The following RYR3 variants were observed in gnomAD, a reference collection of about 807,000 sequenced individuals.
RYR3 encodes ryanodine receptor 3, also known as brain ryanodine receptor-calcium release channel.
Under a neutral mutation model 584.3 loss-of-function variants are expected in RYR3, and 207 were observed. The observed-to-expected ratio is 0.35, with a 90% CI of 0.32 to 0.40. The LOEUF (loss-of-function observed/expected upper bound fraction) is 0.40. Among genes scored for constraint, RYR3 ranks in the 10% least tolerant of loss-of-function variants. RYR3 has a pLI of 1.00. For synonymous variants in RYR3, 2,416 were observed against 2,248.5 expected (o/e 1.07, Z -2.11); for missense variants, 5,616 against 6,089.2 (o/e 0.92, Z 2.59).
chr15:33,788,807 C>T (rs930941924), intron 67 of RYR3, among the ~76,000 whole-genome samples: 1 of 152,188 alleles, frequency 6.6e-6, no homozygotes, highest in Non-Finnish European at 1.5e-5. Flanking sequence ...GTGTGTTAAG[C>T]GCTCTTCTAG....
intron 3 of RYR3, among the ~76,000 whole-genome samples, chr15:33,521,604 C>T (rs1238395509): frequency 6.6e-6 from 1 of 152,068 alleles, no homozygotes; most frequent in Non-Finnish European, 1.5e-5. Context: ...CAAAGGAGTG[C>T]CTTTCTGTGC....
At chr15:33,711,616 G>T (rs896542451) in intron 43 of RYR3, among the ~76,000 whole-genome samples, 10 of 152,180 alleles carry the variant, frequency 6.6e-5, no homozygotes, top group Non-Finnish European at 1.2e-4. Flanking sequence ...TCACTCTCAA[G>T]TTCAAACTTC....
intron 18 of RYR3, among the ~76,000 whole-genome samples, chr15:33,604,639 A>T (rs1595796762): frequency 6.6e-6 from 1 of 152,188 alleles, no homozygotes; most frequent in East Asian, 1.9e-4. Flanking sequence ...TGGCAGGATG[A>T]TGGGGTCATG....
chr15:33,788,120 G>A lies in RYR3; in HGVS notation c.9590-98G>A, dbSNP rs554448951. 2.5e-5 allele frequency: 36 copies of A among 1,469,212 alleles called. No homozygotes were observed. The South Asian group carries it at 4.3e-4, about 18-fold the overall frequency. 91.0% of individuals were successfully genotyped at this position (1,469,212 alleles called of 1,614,324 possible). On this transcript the variant is annotated intron_variant, in intron 66 of 103. Transcript: ENST00000634891. ...GAACAAGGGGCAGGTGCCATCCTGA[G>A]TCGATGGGATTCCACGGCCTCACCT...
At position 33,698,015 on chromosome 15, in the gene RYR3, C is replaced by T; in HGVS notation, c.6249+19C>T. 1.9e-6 allele frequency: 3 copies of T among 1,548,708 alleles called. No individual in the cohort carries two copies. Among genetic ancestry groups the T allele is most frequent in the Non-Finnish European group, 2.7e-6 (3 of 1,120,506 alleles). On this transcript the variant is annotated intron_variant, in intron 40 of 103. Transcript: ENST00000634891. ...ATCTCAGGTAATGCTAAAAGGAGAA[C>T]CTAGCCAGAACTTGTCCCTTGAGGC...
At chr15:33,590,994 T>C (rs1013219047) in intron 16 of RYR3, among the ~76,000 whole-genome samples, 3 of 152,188 alleles carry the variant, frequency 2.0e-5, no homozygotes, top group African/African-American at 4.8e-5. Flanking sequence ...CAAAAAGTTA[T>C]AGGGGAAGAA....
At chr15:33,455,161 G>A (rs2047445162) in intron 1 of RYR3, among the ~76,000 whole-genome samples, 1 of 152,122 alleles carries the variant, frequency 6.6e-6, no homozygotes, top group Admixed American at 6.5e-5. Context: ...GTCTCTCCAT[G>A]GGTGTGTGGG....
intron 70 of RYR3, among the ~76,000 whole-genome samples, chr15:33,808,038 A>G (rs1316756352): frequency 6.6e-6 from 1 of 152,138 alleles, no homozygotes; most frequent in African/African-American, 2.4e-5. Flanking sequence ...CCCTGGGAGA[A>G]TTTCCCAGTT....
At chr15:33,779,428 A>C (rs2074243604) in intron 64 of RYR3, among the ~76,000 whole-genome samples, 1 of 152,154 alleles carries the variant, frequency 6.6e-6, no homozygotes. Context: ...TCTCCTGTAA[A>C]TCAAGCAGTA....
chr15:33,553,454 T>G (rs537094041), intron 10 of RYR3, among the ~76,000 whole-genome samples: 1 of 152,276 alleles, frequency 6.6e-6, no homozygotes, highest in South Asian at 2.1e-4. Flanking sequence ...GCATCTTGTA[T>G]GTGCATAAGA....
intron 44 of RYR3, 134 bp from the exon 45 acceptor site, chr15:33,723,930 GA>G: frequency 1.7e-6 from 1 of 600,648 alleles, no homozygotes; most frequent in Non-Finnish European, 3.0e-6. Context: ...ACTTCTAGAG[GA>G]AGACGAGGTT....
At chr15:33,419,074 C>A (rs896900419) in intron 1 of RYR3, among the ~76,000 whole-genome samples, 1 of 151,978 alleles carries the variant, frequency 6.6e-6, no homozygotes, top group Admixed American at 6.6e-5. Flanking sequence ...TGCATTTAAG[C>A]CTTTGGGCTG....
chr15:33,859,242 CTCTTAAAATTAAATGAGGAAAAAT>C, intron 99 of RYR3: 1 of 249,230 alleles, frequency 4.0e-6, no homozygotes, highest in East Asian at 8.1e-5. Flanking sequence ...CAGGCTAACA[CTCTTAAAATTAAATGAGGAAAAAT>C]TATTATATGG....
Position 33,838,435 on chromosome 15 carries a change from A to G in RYR3, c.12455A>G (p.Asn4152Ser). The G allele has an allele frequency of 6.2e-7, 1 of 1,614,030 alleles. No homozygotes were observed. Among genetic ancestry groups the G allele is most frequent in the Non-Finnish European group, 8.5e-7 (1 of 1,179,898 alleles). ...FAMACASVKR[N>S]VTDFLKRATL... The stretch of plus-strand genomic sequence containing the variant: ...ATGGCCTGTGCCTCTGTGAAGAGGA[A>G]TGTCACCGACTTCCTGAAGAGAGCA... Residue 4152 changes from asparagine to serine, a missense_variant, in exon 89 of 104, where the codon AAT (asparagine) becomes AGT (serine). By Grantham distance (46) the Asn-to-Ser change is conservative. Transcript: ENST00000634891.
intron 32 of RYR3, among the ~76,000 whole-genome samples, chr15:33,657,092 T>A (rs1008571838): frequency 6.6e-6 from 1 of 152,192 alleles, no homozygotes; most frequent in Non-Finnish European, 1.5e-5. Context: ...TACACCCTCA[T>A]GAGCCCACAC....
At position 33,816,944 on chromosome 15, in the gene RYR3, G is replaced by A. The variant is rs186218390; in HGVS notation, c.10585G>A (p.Val3529Ile). 30 of 1,606,798 alleles carry A rather than the reference G, an allele frequency of 1.9e-5. No homozygotes were observed. Among genetic ancestry groups the A allele is most frequent in the Admixed American group, 5.0e-5 (3 of 59,632 alleles). Residue 3529 changes from valine to isoleucine, a missense_variant, in exon 75 of 104, where the codon GTA becomes ATA. Physicochemically the swap from Val to Ile is conservative, Grantham distance 29. This residue lies in a region of RYR3 where 954 missense variants were observed against 1,132.2 expected (regional missense o/e 0.84). Coordinates refer to ENST00000634891, the MANE Select transcript of RYR3 (RefSeq NM_001036.6). ...TEEYSFEEKL[V>I]QDLAKSPKVE... ...GGAGTATTCCTTTGAAGAGAAACTA[G>A]TACAGGATTTGGCTGTAAGTACTGA...
At chr15:33,423,374 A>G (rs1048986482) in intron 1 of RYR3, among the ~76,000 whole-genome samples, 2 of 152,198 alleles carry the variant, frequency 1.3e-5, no homozygotes, top group Non-Finnish European at 2.9e-5. Context: ...AATTGTATGT[A>G]TAGACTGTAT....
At chr15:33,794,497 C>T (rs920902556) in intron 67 of RYR3, among the ~76,000 whole-genome samples, 3 of 150,884 alleles carry the variant, frequency 2.0e-5, no homozygotes, top group Non-Finnish European at 3.0e-5. Flanking sequence ...AGAAGGAAAT[C>T]GCCAGAGTTT....
chr15:33,860,688 C>T, intron 101 of RYR3, 29 bp downstream of exon 101: 1 of 1,473,258 alleles, frequency 6.8e-7, no homozygotes, highest in Non-Finnish European at 9.3e-7. Context: ...CTAATCCCAG[C>T]TCTATTTTAA....
Sources: gnomAD v4.1 joint callset for allele counts (sites outside exome capture counted in the v4.1 genomes callset) on GRCh38, gnomAD v4.1.1 for gene constraint, gnomAD v4.1.1 regional missense constraint, MANE v1.5 for transcripts, NCBI Gene and HGNC (gene_info 2026-07-23, HGNC 2026-07-21) for gene names.